The following HEATR5A variants were observed in gnomAD, a reference collection of about 807,000 sequenced individuals.
The protein encoded by HEATR5A is HEAT repeat-containing protein 5A.
A neutral mutation model predicts 218.8 loss-of-function variants in HEATR5A; 178 were observed. The ratio of observed to expected loss-of-function variants is 0.81; its 90% CI spans 0.72 to 0.92. HEATR5A has a LOEUF of 0.92. Ranked by LOEUF, HEATR5A falls within the 40% of genes least tolerant of loss-of-function variation. The pLI is 0.00. For synonymous variants in HEATR5A, 864 were observed against 871.6 expected (o/e 0.99, Z 0.15); for missense variants, 2,420 against 2,418.9 (o/e 1.00, Z -0.01).
rs920779399 is a variant in HEATR5A at position 31,309,289 on chromosome 14, T to C, written c.4442-107A>G. On this transcript the variant is annotated intron_variant, in intron 28 of 35. Transcript: ENST00000543095. The stretch of plus-strand genomic sequence containing the variant: ...TTCCATCACTCCGAAAGTTCCCTTG[T>C]ACCCTTTTTCAGTCAGTTCCCTATA... The C allele has an allele frequency of 6.2e-6, 8 of 1,281,744 alleles. No homozygotes were observed. The African/African-American group carries it at 1.2e-4, about 19-fold the overall frequency. 79.4% of individuals were successfully genotyped at this position (1,281,744 alleles called of 1,614,324 possible). A position where few individuals can be genotyped will look rare whatever the true frequency, so the allele number is the denominator to read the frequency against.
At chr14:31,406,077 G>A (rs1318796831) in intron 1 of HEATR5A, among the ~76,000 whole-genome samples, 2 of 152,160 alleles carry the variant, frequency 1.3e-5, no homozygotes, top group East Asian at 1.9e-4. Context: ...AGGGCATTTT[G>A]CAAACAGATG....
At chr14:31,386,123 T>C (rs1212184599) in intron 9 of HEATR5A, among the ~76,000 whole-genome samples, 1 of 152,274 alleles carries the variant, frequency 6.6e-6, no homozygotes, top group Non-Finnish European at 1.5e-5. Flanking sequence ...TTACTTGTAC[T>C]GTACTAATGT....
At chr14:31,405,497 A>G (rs1874009673) in intron 1 of HEATR5A, among the ~76,000 whole-genome samples, 2 of 152,180 alleles carry the variant, frequency 1.3e-5, no homozygotes, top group African/African-American at 4.8e-5. Flanking sequence ...GAAGCAACAA[A>G]AATTCTAGCT....
chr14:31,358,931 A>G lies in HEATR5A; in HGVS notation c.2198T>C (p.Phe733Ser). Residue 733 changes from phenylalanine (F) to serine (S), a missense_variant, in exon 15 of 36, where the codon TTC (phenylalanine) becomes TCC (serine). Transcript: ENST00000543095. ...AAATCTATGGTCAGTCTCTTGTAGG[A>G]AAGGACTTAGTATCAAAAGATCATC... ...HQDDLLILSPFLQETDHRFIE... is the reference protein window; with the variant it reads ...HQDDLLILSPSLQETDHRFIE... 6.3e-7 allele frequency: 1 copy of G among 1,593,664 alleles called. No homozygotes were observed. The highest frequency in any genetic ancestry group is 2.2e-5 in the East Asian group (1 of 44,784).
chr14:31,398,699 T>G lies in HEATR5A; in HGVS notation c.421A>C (p.Ile141Leu). ...GNTFTDTVGN[I>L]LKAMKSAESQ... ...TCTGCACTCTTCATAGCTTTAAGAA[T>G]ATTCCCCACTGTATCAGTAAAGGTG... The change falls in exon 4 of 36, where the codon ATT (isoleucine) becomes CTT (leucine). Residue 141 changes from isoleucine (I) to leucine (L), a missense_variant. By Grantham distance (5) the Ile-to-Leu change is conservative. Transcript: ENST00000543095. The G allele has an allele frequency of 6.6e-7, 1 of 1,525,994 alleles. No homozygotes were observed. The highest frequency in any genetic ancestry group is 8.8e-7 in the Non-Finnish European group (1 of 1,137,342). The allele number at this position is 1,525,994 out of a possible 1,614,324, so 94.5% of individuals were successfully genotyped here.
At chr14:31,387,685 G>C (rs1044389270) in intron 7 of HEATR5A, among the ~76,000 whole-genome samples, 1 of 151,542 alleles carries the variant, frequency 6.6e-6, no homozygotes, top group Admixed American at 6.6e-5. Flanking sequence ...TCAACCTCTC[G>C]AGTAGCTGGG....
intron 22 of HEATR5A, among the ~76,000 whole-genome samples, chr14:31,326,787 C>A (rs1900281945): frequency 6.6e-6 from 1 of 151,706 alleles, no homozygotes; most frequent in Non-Finnish European, 1.5e-5. Context: ...GAATTACAGG[C>A]ACCCGCCACC....
rs552911844 is a variant in HEATR5A, at chr14:31,395,132, T to C, written c.597+67A>G. 665 of 1,100,606 alleles carry C rather than the reference T, an allele frequency of 6.0e-4. 23 individuals carry two copies. The Middle Eastern group carries it at 0.046, about 77-fold the overall frequency. The allele number at this position is 1,100,606 out of a possible 1,614,324, so 68.2% of individuals were successfully genotyped here. A position where few individuals can be genotyped will look rare whatever the true frequency, so the allele number is the denominator to read the frequency against. On this transcript the variant is annotated intron_variant, in intron 5 of 35. Coordinates refer to ENST00000543095, the MANE Select transcript of HEATR5A (RefSeq NM_015473.4). Reference sequence around the variant, plus strand: ...AGATCATGTAGCTTTTACTAATGCTTTCACAAAGAAGCTGATTTACTTTTC... The same window carrying C: ...AGATCATGTAGCTTTTACTAATGCTCTCACAAAGAAGCTGATTTACTTTTC...
chr14:31,321,527 T>A lies in HEATR5A; in HGVS notation c.3941A>T (p.His1314Leu), dbSNP rs543960613. ...ATVPEPEFPG[H>L]VILEQYQANV... ...GGCTTGATACTGTTCCAGAATCACA[T>A]GACCTGGAAACTCTGGTTCTGGAAC... Residue 1314 changes from histidine to leucine, a missense_variant, in exon 25 of 36, where the codon CAT (histidine) becomes CTT (leucine). Physicochemically the swap from His to Leu is moderately conservative, Grantham distance 99. Transcript: ENST00000543095. 6 of 1,601,270 alleles carry A rather than the reference T, an allele frequency of 3.7e-6. No homozygotes were observed. In the East Asian group the frequency reaches 1.1e-4, roughly 30 times the overall value.
At chr14:31,419,975 T>A (rs1749625310) in intron 1 of HEATR5A, among the ~76,000 whole-genome samples, 1 of 152,234 alleles carries the variant, frequency 6.6e-6, no homozygotes, top group Non-Finnish European at 1.5e-5. Context: ...AACGGGCCTC[T>A]GAGGAAGCTC....
chr14:31,347,548 A>G (rs1420019482), intron 19 of HEATR5A, among the ~76,000 whole-genome samples, 200 bp downstream of exon 19: 1 of 152,262 alleles, frequency 6.6e-6, no homozygotes. Flanking sequence ...ATACATTTTC[A>G]GAAAAACACA....
chr14:31,332,357 T>A (rs1319998909), intron 22 of HEATR5A, among the ~76,000 whole-genome samples: 2 of 152,192 alleles, frequency 1.3e-5, no homozygotes, highest in African/African-American at 4.8e-5. Flanking sequence ...CCATTCCCCA[T>A]CTCTTTTATT....
At position 31,323,804 on chromosome 14, in the gene HEATR5A, T is replaced by A. The variant is rs966315958; in HGVS notation, c.3548A>T (p.Asp1183Val). 6.4e-7 allele frequency: 1 copy of A among 1,573,458 alleles called. No individual in the cohort carries two copies. Residue 1183 changes from aspartate (D) to valine (V), a missense_variant and splice_region_variant, in exon 24 of 36, where the codon GAT becomes GTT. Coordinates refer to ENST00000543095, the MANE Select transcript of HEATR5A (RefSeq NM_015473.4). ...ATCCACACAAGTTACAGCTGTAAAA[T>A]CTTTTATTAAAGGAGAACATATGTA... Reference protein sequence around the residue: ...LCKDVLAASADFTAVTCVDTM... With the variant: ...LCKDVLAASAVFTAVTCVDTM...
Position 31,359,750 on chromosome 14 carries a change from A to G in HEATR5A, c.2072-693T>C, listed in dbSNP as rs945635594. ...AAGACAAAAAAAAAAAAAAAAAAAA[A>G]AAAGAATTATCCTGAGAAAACTTAG... On this transcript the variant is annotated intron_variant, in intron 14 of 35. Transcript: ENST00000543095. 1.1e-4 allele frequency among the ~76,000 whole-genome samples: 17 copies of G among 151,350 alleles called. No homozygotes were observed. The East Asian group carries it at 1.7e-3, about 16-fold the overall frequency.
Position 31,369,786 on chromosome 14 carries a change from G to A in HEATR5A, c.1961+2024C>T, listed in dbSNP as rs529357840. On this transcript the variant is annotated intron_variant, in intron 13 of 35. Coordinates refer to ENST00000543095, the MANE Select transcript of HEATR5A (RefSeq NM_015473.4). ...CTATTAAAAACACAAAAATTAGCTG[G>A]GTATGGTGGTGCATGCCTGTAATCC... 4.6e-5 allele frequency among the ~76,000 whole-genome samples: 7 copies of A among 151,746 alleles called. No individual in the cohort carries two copies. In the East Asian group the frequency reaches 1.4e-3, roughly 29 times the overall value.
At chr14:31,380,790 G>C (rs185049382) in intron 10 of HEATR5A, among the ~76,000 whole-genome samples, 43 of 152,316 alleles carry the variant, frequency 2.8e-4, no homozygotes, top group African/African-American at 9.6e-4. Flanking sequence ...ATATGAGGTA[G>C]TACACAACAA....
rs149113513 is a variant in HEATR5A, at chr14:31,420,475, TG to T, written c.-79del. 6.5e-6 allele frequency: 1 copy of T among 152,966 alleles called. No homozygotes were observed. Among genetic ancestry groups the T allele is most frequent in the Non-Finnish European group, 1.5e-5 (1 of 68,744 alleles). 9.5% of individuals were successfully genotyped at this position (152,966 alleles called of 1,614,324 possible). On this transcript the variant is annotated 5_prime_UTR_variant, in exon 1 of 36. Transcript: ENST00000543095. ...CCCTGGATCCCCGACTGCCTGCCTT[TG>T]GGGGTCCTCCTCAGCTGAGCGTGCG...
chr14:31,328,954 C>T (rs1900367378), intron 22 of HEATR5A, among the ~76,000 whole-genome samples: 1 of 150,964 alleles, frequency 6.6e-6, no homozygotes, highest in African/African-American at 2.4e-5. Context: ...CCTCAGGAAA[C>T]ATACAATCAT....
Position 31,387,203 on chromosome 14 carries a change from A to G in HEATR5A, c.1106T>C (p.Ile369Thr), listed in dbSNP as rs575640793. Residue 369 changes from isoleucine (I) to threonine (T), a missense_variant, in exon 8 of 36, where the codon ATA (isoleucine) becomes ACA (threonine). Transcript: ENST00000543095. The part of the protein sequence containing the change: ...RCVSFILRTT[I>T]GGLLGEKAQL... ...AGCCTTTTCTCCAAGAAGACCACCT[A>G]TAGTAGTTCGAAGAATAAATGAAAC... 3.0e-5 allele frequency: 49 copies of G among 1,613,884 alleles called. No homozygotes were observed. In the South Asian group the frequency reaches 5.3e-4, roughly 17 times the overall value.
Sources: gnomAD v4.1 joint callset for allele counts (sites outside exome capture counted in the v4.1 genomes callset) on GRCh38, gnomAD v4.1.1 for gene constraint, MANE v1.5 for transcripts, NCBI Gene and HGNC (gene_info 2026-07-23, HGNC 2026-07-21) for gene names.